The following PRRC2A variants were observed in gnomAD, a reference collection of about 807,000 sequenced individuals.
The protein encoded by PRRC2A is protein PRRC2A.
In PRRC2A, 59 loss-of-function variants were observed where a neutral mutation model predicts 224.6. The ratio of observed to expected loss-of-function variants is 0.26; its 90% CI spans 0.21 to 0.33. PRRC2A has a LOEUF of 0.33. PRRC2A is among the 10% of genes least tolerant of loss of function. The pLI is 1.00. For missense variants in PRRC2A, 3,095 were observed against 2,880.7 expected, an observed-to-expected ratio of 1.07 and a Z score of -1.70; for synonymous variants, 1,194 against 1,109.5, an observed-to-expected ratio of 1.08 and a Z score of -1.51.
chr6:31,627,120 A>G lies in PRRC2A; in HGVS notation c.1212A>G (p.Gly404=), dbSNP rs1305479604. 2 of 1,613,582 alleles carry G rather than the reference A, an allele frequency of 1.2e-6. No homozygotes were observed. Among genetic ancestry groups the G allele is most frequent in the Middle Eastern group, 1.6e-4 (1 of 6,084 alleles). The change falls in exon 11 of 31, where the codon GGA becomes GGG. Residue 404 remains glycine (G), a synonymous_variant. Transcript: ENST00000376033. The surrounding 1 kb of genome is among the most constrained non-coding windows in gnomAD (Gnocchi z 5.6). ...ETSRPPETEP[G]PPAPKPPLPP... is the part of the protein sequence containing the mutation. ...CTCGGCCTCCAGAGACAGAGCCGGGACCTCCTGCCCCAAAGCCTCCCCTAC... is the reference window on the plus strand; with the variant it reads ...CTCGGCCTCCAGAGACAGAGCCGGGGCCTCCTGCCCCAAAGCCTCCCCTAC...
rs1776047289 is a variant in PRRC2A, at chr6:31,627,503, G to GTA, written c.1291-260_1291-259dup. ...GGTGGCTAGATAGCTGGATCTGTTAGTATGCATCAGTAGTCCAAGCTACTC... is the reference window on the plus strand; with the variant it reads ...GGTGGCTAGATAGCTGGATCTGTTAGTATATGCATCAGTAGTCCAAGCTACTC... On this transcript the variant is annotated intron_variant, in intron 11 of 30. Coordinates refer to ENST00000376033, the MANE Select transcript of PRRC2A (RefSeq NM_004638.4). This position sits in a 1 kb window ranked among gnomAD's most constrained non-coding sequence, Gnocchi z 5.6. Among the ~76,000 whole-genome samples the GTA allele has an allele frequency of 6.6e-6, 1 of 152,168 alleles. No individual in the cohort carries two copies. The highest frequency in any genetic ancestry group is 1.5e-5 in the Non-Finnish European group (1 of 68,034).
intron 12 of PRRC2A, 62 bp downstream of exon 12, chr6:31,628,301 G>A: frequency 1.3e-6 from 2 of 1,535,382 alleles, no homozygotes; most frequent in African/African-American, 1.4e-5. Context: ...GCTTAAAGGT[G>A]CAGGGTGGTA....
rs529003217 is a variant in PRRC2A at position 31,632,782 on chromosome 6, G to C, written c.4109G>C (p.Arg1370Pro). The change falls in exon 16 of 31, where the codon CGC becomes CCC. Residue 1370 changes from arginine to proline, a missense_variant. By Grantham distance (103) the Arg-to-Pro change is moderately radical. This residue lies in a region of PRRC2A where 2,001 missense variants were observed against 1,764.9 expected (regional missense o/e 1.13). Coordinates refer to ENST00000376033, the MANE Select transcript of PRRC2A (RefSeq NM_004638.4). ...GAVPGISAMS[R>P]GDLSQRAKDL... ...GTACCAGGTATTTCAGCCATGTCCC[G>C]CGGAGATCTGAGCCAGAGAGCCAAG... The C allele has an allele frequency of 6.2e-7, 1 of 1,612,980 alleles. No homozygotes were observed. Among genetic ancestry groups the C allele is most frequent in the Non-Finnish European group, 8.5e-7 (1 of 1,180,024 alleles).
Position 31,631,685 on chromosome 6 carries a change from C to T in PRRC2A, c.3012C>T (p.Ser1004=), listed in dbSNP as rs780273700. Reference sequence around the variant, plus strand: ...AGACCCCACCCAATGGAAATCTTTCCCCTGCCCCAAGGCTTCGGAGGGACT... The same window carrying T: ...AGACCCCACCCAATGGAAATCTTTCTCCTGCCCCAAGGCTTCGGAGGGACT... ...PKETPPNGNL[S]PAPRLRRDYS... The change falls in exon 16 of 31, where the codon TCC becomes TCT. Residue 1004 remains serine (S), a synonymous_variant. Transcript: ENST00000376033. The surrounding 1 kb of genome is among the most constrained non-coding windows in gnomAD (Gnocchi z 4.5). 1 of 1,514,108 alleles carries T rather than the reference C, an allele frequency of 6.6e-7. No homozygotes were observed. The highest frequency in any genetic ancestry group is 8.8e-7 in the Non-Finnish European group (1 of 1,132,922). 93.8% of individuals were successfully genotyped at this position (1,514,108 alleles called of 1,614,324 possible).
Position 31,625,326 on chromosome 6 carries a change from C to T in PRRC2A, c.607+12C>T, listed in dbSNP as rs1437244586. The T allele has an allele frequency of 6.2e-7, 1 of 1,613,968 alleles. No individual in the cohort carries two copies. ...CCTCCGCCCCCAAAGTGAGTGGCTG[C>T]CTTTTGGCCAAGACATTACCTATTG... On this transcript the variant is annotated intron_variant, in intron 6 of 30. Transcript: ENST00000376033. The surrounding 1 kb of genome is among the most constrained non-coding windows in gnomAD (Gnocchi z 4.1).
In PRRC2A at chr6:31,631,968, A is replaced by G; in HGVS notation, c.3295A>G (p.Lys1099Glu). The change falls in exon 16 of 31, where the codon AAG (lysine) becomes GAG (glutamate). Residue 1099 changes from lysine (K) to glutamate (E), a missense_variant. Physicochemically the swap from Lys to Glu is moderately conservative, Grantham distance 56. Around this residue, in one of 8 missense-constraint regions of PRRC2A, gnomAD observed 2,001 missense variants for 1,764.9 expected, o/e 1.13. Transcript: ENST00000376033. This position sits in a 1 kb window ranked among gnomAD's most constrained non-coding sequence, Gnocchi z 4.5. ...GGGTTCAGAGTATGAGGAAATCCCC[A>G]AGCGGCGCCGGCAGCGGGGCTCAGA... is the stretch of plus-strand genomic sequence containing the variant. ...SEGSEYEEIP[K>E]RRRQRGSETG... The G allele has an allele frequency of 6.2e-7, 1 of 1,612,648 alleles. No homozygotes were observed. Among genetic ancestry groups the G allele is most frequent in the Non-Finnish European group, 8.5e-7 (1 of 1,179,838 alleles).
chr6:31,623,259 ATTTTTTTTTTTT>A (rs3993756), intron 2 of PRRC2A: 8 of 324,202 alleles, frequency 2.5e-5, no homozygotes, highest in Admixed American at 9.0e-5. Flanking sequence ...GATTTCATAG[ATTTTTTTTTTTT>A]TTTTTTTTTT....
chr6:31,627,876 C>T lies in PRRC2A; in HGVS notation c.1402C>T (p.Arg468Trp). ...SEISLAVERA[R>W]RRREEEERRM... ...GATTTCCCTGGCAGTGGAGCGGGCC[C>T]GGCGACGGCGAGAAGAAGAGGAGCG... Residue 468 changes from arginine to tryptophan, a missense_variant, in exon 12 of 31, where the codon CGG (arginine) becomes TGG (tryptophan). By Grantham distance (101) the Arg-to-Trp change is moderately radical (BLOSUM62 -3). Transcript: ENST00000376033. The surrounding 1 kb of genome is among the most constrained non-coding windows in gnomAD (Gnocchi z 5.6). 2 of 1,613,018 alleles carry T rather than the reference C, an allele frequency of 1.2e-6. No individual in the cohort carries two copies. Among genetic ancestry groups the T allele is most frequent in the Non-Finnish European group, 8.5e-7 (1 of 1,180,036 alleles).
rs201846219 is a variant in PRRC2A at position 31,632,203 on chromosome 6, C to T, written c.3530C>T (p.Pro1177Leu). 1.7e-4 allele frequency: 278 copies of T among 1,606,770 alleles called. 1 individual carries two copies. In the South Asian group the frequency reaches 2.5e-3, roughly 15 times the overall value. ...PSRRGRGGGR[P>L]PPQVCPGWSP... is the part of the protein sequence containing the mutation. ...CGCCGGGGCCGAGGAGGAGGGAGGC[C>T]CCCTCCTCAAGTTTGCCCAGGCTGG... The change falls in exon 16 of 31, where the codon CCC becomes CTC. Residue 1177 changes from proline (P) to leucine (L), a missense_variant. Physicochemically the swap from Pro to Leu is moderately conservative, Grantham distance 98 (BLOSUM62 -3). This residue lies in a region of PRRC2A where 2,001 missense variants were observed against 1,764.9 expected (regional missense o/e 1.13). Coordinates refer to ENST00000376033, the MANE Select transcript of PRRC2A (RefSeq NM_004638.4).
At position 31,620,775 on chromosome 6, in the gene PRRC2A, C is replaced by T. The variant is rs1775156248; in HGVS notation, c.-184C>T. On this transcript the variant is annotated 5_prime_UTR_variant, in exon 1 of 31. Coordinates refer to ENST00000376033, the MANE Select transcript of PRRC2A (RefSeq NM_004638.4). ...GGGAGGAGCCGAACCCGGCGCCATC[C>T]GCCGCCATCCTCCCCCGCCCCACCG... 1 of 152,164 alleles carries T rather than the reference C, an allele frequency of 6.6e-6. No homozygotes were observed. The highest frequency in any genetic ancestry group is 1.5e-5 in the Non-Finnish European group (1 of 68,052). 9.4% of individuals were successfully genotyped at this position (152,164 alleles called of 1,614,324 possible).
In PRRC2A at chr6:31,628,881, TGAAAAC is replaced by T. The variant is rs1776214619; in HGVS notation, c.1766-262_1766-257del. ...CTCACAAGAAATACATAAATAAAAA[TGAAAAC>T]TATTTCCTATAGGCCAAGACTGAAG... is the stretch of plus-strand genomic sequence containing the variant. On this transcript the variant is annotated intron_variant, in intron 12 of 30. Coordinates refer to ENST00000376033, the MANE Select transcript of PRRC2A (RefSeq NM_004638.4). The T allele has an allele frequency of 6.5e-6, 3 of 459,944 alleles. No homozygotes were observed. In the East Asian group the frequency reaches 1.1e-4, roughly 17 times the overall value. The allele number at this position is 459,944 out of a possible 1,614,324, so 28.5% of individuals were successfully genotyped here.
Position 31,634,294 on chromosome 6 carries a change from G to T in PRRC2A, c.4778G>T (p.Gly1593Val). ...GFLGSKPEGP[G>V]PQAESRDTGT... ...TTGGGCTCTAAGCCTGAGGGCCCAG[G>T]CCCTCAGGCAGAGTCCAGAGATACA... Residue 1593 changes from glycine to valine, a missense_variant, in exon 19 of 31, where the codon GGC becomes GTC. Gly to Val is a moderately radical substitution (Grantham distance 109, BLOSUM62 -3). Transcript: ENST00000376033. 6.2e-7 allele frequency: 1 copy of T among 1,611,086 alleles called. No individual in the cohort carries two copies. Among genetic ancestry groups the T allele is most frequent in the Non-Finnish European group, 8.5e-7 (1 of 1,179,566 alleles).
In PRRC2A at chr6:31,637,479, A is replaced by G; in HGVS notation, c.6367A>G (p.Lys2123Glu). 4 of 1,573,928 alleles carry G rather than the reference A, an allele frequency of 2.5e-6. No homozygotes were observed. The highest frequency in any genetic ancestry group is 1.4e-5 in the African/African-American group (1 of 73,830). The change falls in exon 31 of 31, where the codon AAG (lysine) becomes GAG (glutamate). Residue 2123 changes from lysine (K) to glutamate (E), a missense_variant. By Grantham distance (56) the Lys-to-Glu change is moderately conservative. This residue lies in a region of PRRC2A where 662 missense variants were observed against 609.5 expected (regional missense o/e 1.09). Coordinates refer to ENST00000376033, the MANE Select transcript of PRRC2A (RefSeq NM_004638.4). ...SPPDALRWIP[K>E]PWERTGPPPR... ...ACCAGATGCCCTGCGCTGGATACCTAAGCCTTGGGAGCGGACAGGGCCGCC... is the reference window on the plus strand; with the variant it reads ...ACCAGATGCCCTGCGCTGGATACCTGAGCCTTGGGAGCGGACAGGGCCGCC...
Position 31,634,993 on chromosome 6 carries a change from AGGATAAGG to A in PRRC2A, c.5160+20_5160+27del. 6.2e-7 allele frequency: 1 copy of A among 1,608,920 alleles called. No individual in the cohort carries two copies. Among genetic ancestry groups the A allele is most frequent in the Admixed American group, 1.7e-5 (1 of 59,668 alleles). On this transcript the variant is annotated intron_variant, in intron 21 of 30. Coordinates refer to ENST00000376033, the MANE Select transcript of PRRC2A (RefSeq NM_004638.4). ...GGACAGAAAGGTAAAAGACCAAAAA[AGGATAAGG>A]GGAATGTTTCCAGGAATCTGACTTT...
rs1384263538 is a variant in PRRC2A, at chr6:31,634,570, G to C, written c.4935+13G>C. ...GGCTGGCACAGAAGTGAGTGAGGGT[G>C]GGAGGGTGTGTCTGAGCTGGGACTT... On this transcript the variant is annotated intron_variant, in intron 20 of 30. Transcript: ENST00000376033. 1 of 1,608,810 alleles carries C rather than the reference G, an allele frequency of 6.2e-7. No homozygotes were observed. The highest frequency in any genetic ancestry group is 1.1e-5 in the South Asian group (1 of 90,598).
Position 31,627,161 on chromosome 6 carries a change from G to A in PRRC2A, c.1253G>A (p.Gly418Asp). The change falls in exon 11 of 31, where the codon GGC (glycine) becomes GAC (aspartate). Residue 418 changes from glycine to aspartate, a missense_variant. By Grantham distance (94) the Gly-to-Asp change is moderately conservative. Transcript: ENST00000376033. This position sits in a 1 kb window ranked among gnomAD's most constrained non-coding sequence, Gnocchi z 5.6. ...CCTCCCCTACCCCCACCTCACCGGGGCCCCGCCGGGAACTGGGGCCCCCCT... is the reference window on the plus strand; with the variant it reads ...CCTCCCCTACCCCCACCTCACCGGGACCCCGCCGGGAACTGGGGCCCCCCT... The part of the protein sequence containing the change: ...PKPPLPPPHR[G>D]PAGNWGPPGD... The A allele has an allele frequency of 6.2e-7, 1 of 1,613,196 alleles. No individual in the cohort carries two copies. The highest frequency in any genetic ancestry group is 8.5e-7 in the Non-Finnish European group (1 of 1,179,736).
At chr6:31,629,359 A>G (rs374843830) in intron 13 of PRRC2A, 25 bp downstream of exon 13, 14 of 1,537,574 alleles carry the variant, frequency 9.1e-6, no homozygotes, top group Admixed American at 4.2e-5. Context: ...TTTACCCTCT[A>G]AGGGCTGCTT....
At chr6:31,628,363 C>T (rs1327305800) in intron 12 of PRRC2A, 124 bp downstream of exon 12, 1 of 1,403,242 alleles carries the variant, frequency 7.1e-7, no homozygotes, top group Admixed American at 2.8e-5. Flanking sequence ...ATTGGACTAT[C>T]AGTGATAGTG....
chr6:31,630,422 C>G (rs564917205), intron 14 of PRRC2A, among the ~76,000 whole-genome samples, 169 bp from the exon 15 acceptor site: 21 of 152,210 alleles, frequency 1.4e-4, no homozygotes, highest in African/African-American at 5.1e-4. Context: ...GGTTGATTCT[C>G]TTGTAGGGAA....
Sources: allele counts gnomAD v4.1 joint callset (sites outside exome capture counted in the v4.1 genomes callset), GRCh38; gene constraint gnomAD v4.1.1; regional missense constraint gnomAD v4.1.1; non-coding constraint Gnocchi (gnomAD v3.1); transcripts MANE v1.5; gene names NCBI Gene and HGNC (gene_info 2026-07-23, HGNC 2026-07-21).